DCHS2: variants seen among roughly 807,000 people sequenced by gnomAD.
DCHS2 encodes dachsous cadherin-related 2.
In DCHS2, 142 loss-of-function variants were observed where a neutral mutation model predicts 182.4. That is an observed-to-expected ratio of 0.78 (90% CI 0.68 to 0.89). The LOEUF is 0.89. Ranked by LOEUF, DCHS2 falls within the 40% of genes least tolerant of loss-of-function variation. The pLI, the probability that DCHS2 is intolerant of heterozygous loss-of-function variation, is 0.00. For synonymous variants in DCHS2, 1,740 were observed against 1,663.3 expected, an observed-to-expected ratio of 1.05 and a Z score of -1.12; for missense variants, 4,319 against 4,198.6, an observed-to-expected ratio of 1.03 and a Z score of -0.79.
Position 154,235,472 on chromosome 4 carries a change from G to GTT in DCHS2, c.9178_9179dup (p.Asn3060LysfsTer14), listed in dbSNP as rs755444808. 6.2e-7 allele frequency: 1 copy of GTT among 1,614,008 alleles called. No individual in the cohort carries two copies. Among genetic ancestry groups the GTT allele is most frequent in the South Asian group, 1.1e-5 (1 of 91,072 alleles). On this transcript the variant is annotated frameshift_variant, in exon 20 of 20. Coordinates refer to ENST00000357232, the MANE Select transcript of DCHS2 (RefSeq NM_001358235.2). LOFTEE classifies it low-confidence loss of function (END_TRUNC). ...GAGTGGCATCCACAGGGACCACCTC[G>GTT]TTACTGCAGTCGTCAGTTTTCTGGA...
intron 7 of DCHS2, chr4:154,322,879 T>C (rs1578962808): frequency 4.0e-6 from 1 of 250,370 alleles, no homozygotes; most frequent in Non-Finnish European, 7.6e-6. Context: ...AAAATAAATA[T>C]TTTAACACAA....
intron 1 of DCHS2, among the ~76,000 whole-genome samples, chr4:154,487,707 C>T (rs1375671133): frequency 1.3e-5 from 2 of 152,178 alleles, no homozygotes; most frequent in Non-Finnish European, 2.9e-5. Context: ...AGCCTGAACT[C>T]CCTAACTGAG....
intron 2 of DCHS2, among the ~76,000 whole-genome samples, chr4:154,372,225 A>C (rs1213990924): frequency 7.2e-5 from 11 of 152,162 alleles, no homozygotes; most frequent in Admixed American, 7.2e-4. Flanking sequence ...TCATTCCTAG[A>C]ACAGGTGGAG....
intron 1 of DCHS2, chr4:154,384,231 T>A: frequency 7.4e-7 from 1 of 1,357,512 alleles, no homozygotes; most frequent in Non-Finnish European, 9.9e-7. Context: ...CAAAGTCTAA[T>A]GATCGAGGCT....
intron 14 of DCHS2, among the ~76,000 whole-genome samples, chr4:154,263,696 A>G (rs1226681044): frequency 6.6e-6 from 1 of 151,866 alleles, no homozygotes; most frequent in Non-Finnish European, 1.5e-5. Flanking sequence ...GAAAAAAAAA[A>G]AAAAAAGAAA....
intron 1 of DCHS2, among the ~76,000 whole-genome samples, chr4:154,483,530 C>T (rs559855239): frequency 3.0e-4 from 46 of 152,274 alleles, no homozygotes; most frequent in Middle Eastern, 3.4e-3. Flanking sequence ...ATGGGGACAA[C>T]AATGACTAAA....
intron 10 of DCHS2, among the ~76,000 whole-genome samples, chr4:154,309,527 CTTTGTT>C (rs1735590372): frequency 6.6e-6 from 1 of 152,112 alleles, no homozygotes; most frequent in African/African-American, 2.4e-5. Context: ...CCTTCTAGAG[CTTTGTT>C]TTTGTCTTTT....
intron 8 of DCHS2, 99 bp downstream of exon 8, chr4:154,322,216 CATACATACATATTCAT>C: frequency 7.3e-7 from 1 of 1,368,004 alleles, no homozygotes; most frequent in South Asian, 1.3e-5. Context: ...ATTCATGTAA[CATACATACATATTCAT>C]ATACATACAT....
At chr4:154,242,257 AGTT>A (rs1435700138) in intron 17 of DCHS2, among the ~76,000 whole-genome samples, 1 of 152,192 alleles carries the variant, frequency 6.6e-6, no homozygotes, top group East Asian at 1.9e-4. Flanking sequence ...TTCACTAATT[AGTT>A]GTTGTTCGTA....
chr4:154,324,501 G>A (rs950294049), intron 7 of DCHS2, among the ~76,000 whole-genome samples: 4 of 152,074 alleles, frequency 2.6e-5, no homozygotes, highest in Admixed American at 6.6e-5. Context: ...TTCAGTGCAC[G>A]GAGAATACAC....
At chr4:154,327,877 C>T (rs1736347318) in intron 7 of DCHS2, among the ~76,000 whole-genome samples, 1 of 152,152 alleles carries the variant, frequency 6.6e-6, no homozygotes, top group Admixed American at 6.5e-5. Context: ...TAAAAAGCTA[C>T]TCTGATTTTT....
chr4:154,280,017 A>T (rs533097420), intron 13 of DCHS2, among the ~76,000 whole-genome samples: 30 of 152,146 alleles, frequency 2.0e-4, no homozygotes, highest in African/African-American at 6.3e-4. Flanking sequence ...AGAGAGAAAA[A>T]AATGAATCCT....
intron 1 of DCHS2, among the ~76,000 whole-genome samples, chr4:154,467,986 A>G (rs1021091821): frequency 2.0e-5 from 3 of 152,136 alleles, no homozygotes; most frequent in Non-Finnish European, 4.4e-5. Flanking sequence ...TCTGGCAGGT[A>G]CACATTTAAA....
At position 154,465,499 on chromosome 4, in the gene DCHS2, TCTCTACTAAAAATG is replaced by T. The variant is rs1429892191; in HGVS notation, c.2052+23791_2052+23804del. ...GCCTGGACAACATCGTGAAACCCTG[TCTCTACTAAAAATG>T]CAAAAATTAGCCAGGCATGGTGGCG... On this transcript the variant is annotated intron_variant, in intron 1 of 19. Transcript: ENST00000357232. Among the ~76,000 whole-genome samples, 5 of 152,144 alleles carry T rather than the reference TCTCTACTAAAAATG, an allele frequency of 3.3e-5. No individual in the cohort carries two copies. In the South Asian group the frequency reaches 1.0e-3, roughly 32 times the overall value.
In DCHS2 at chr4:154,489,409, C is replaced by T. The variant is rs1219843630; in HGVS notation, c.1947G>A (p.Val649=). The T allele has an allele frequency of 9.7e-6, 15 of 1,551,640 alleles. No homozygotes were observed. The highest frequency in any genetic ancestry group is 1.1e-5 in the Non-Finnish European group (13 of 1,147,014). ...GEPPLSATCL[V]SITVDDVNDN... ...CATTCACATCATCTACGGTGATGCT[C>T]ACCAGGCAGGTGGCAGAGAGTGGGG... The change falls in exon 1 of 20, where the codon GTG becomes GTA. Residue 649 remains valine (V), a synonymous_variant. Transcript: ENST00000357232.
chr4:154,304,561 A>T, intron 12 of DCHS2, 108 bp downstream of exon 12: 1 of 906,528 alleles, frequency 1.1e-6, no homozygotes. Context: ...TGAACCTGGG[A>T]GGTGAAGTTG....
intron 10 of DCHS2, among the ~76,000 whole-genome samples, chr4:154,314,200 G>A (rs958888802): frequency 1.3e-5 from 2 of 152,118 alleles, no homozygotes; most frequent in Non-Finnish European, 2.9e-5. Context: ...TCAGCAATAA[G>A]TTCAGTATAT....
At chr4:154,304,195 G>T (rs878929444) in intron 12 of DCHS2, among the ~76,000 whole-genome samples, 4 of 151,190 alleles carry the variant, frequency 2.6e-5, no homozygotes, top group Non-Finnish European at 5.9e-5. Context: ...TATGAGACAA[G>T]AAAAATTAAA....
chr4:154,238,010 C>T (rs6832477), intron 19 of DCHS2, among the ~76,000 whole-genome samples: 125,198 of 152,138 alleles, frequency 0.82, 53,179 homozygotes, highest in South Asian at 0.98. Context: ...AGTGCAAAAT[C>T]TGTCAATAGC....
Sources: allele counts gnomAD v4.1 joint callset (sites outside exome capture counted in the v4.1 genomes callset), GRCh38; gene constraint gnomAD v4.1.1; transcripts MANE v1.5; gene names NCBI Gene and HGNC (gene_info 2026-07-23, HGNC 2026-07-21).